Variants in MBOAT2 observed in about 807,000 individuals in gnomAD.
MBOAT2 encodes membrane-bound glycerophospholipid O-acyltransferase 2.
A neutral mutation model predicts 63.4 loss-of-function variants in MBOAT2; 28 were observed. The ratio of observed to expected loss-of-function variants is 0.44; its 90% CI spans 0.33 to 0.61. The LOEUF (loss-of-function observed/expected upper bound fraction) is 0.61. Ranked by LOEUF, MBOAT2 falls within the 20% of genes least tolerant of loss-of-function variation. The pLI, the probability that MBOAT2 is intolerant of heterozygous loss-of-function variation, is 0.03. For synonymous variants in MBOAT2, 211 were observed against 215.6 expected (o/e 0.98, Z 0.19); for missense variants, 470 against 605.8 (o/e 0.78, Z 2.35).
chr2:8,875,704 T>C (rs1662652958), intron 7 of MBOAT2, among the ~76,000 whole-genome samples: 1 of 152,226 alleles, frequency 6.6e-6, no homozygotes, highest in South Asian at 2.1e-4. Flanking sequence ...TCTACAATTG[T>C]CTTTACCTTC....
chr2:8,900,070 T>C (rs1197151423), intron 4 of MBOAT2, among the ~76,000 whole-genome samples: 1 of 152,172 alleles, frequency 6.6e-6, no homozygotes, highest in East Asian at 1.9e-4. Context: ...CAGAAGGATT[T>C]TTTTCCTTTC....
chr2:8,935,286 C>CA (rs1004382539), intron 3 of MBOAT2, among the ~76,000 whole-genome samples: 1 of 151,838 alleles, frequency 6.6e-6, no homozygotes, highest in African/African-American at 2.4e-5. Flanking sequence ...AAAATCCAGC[C>CA]AAAAAAATGT....
At chr2:8,972,943 T>C (rs1006587124) in intron 1 of MBOAT2, among the ~76,000 whole-genome samples, 3 of 152,180 alleles carry the variant, frequency 2.0e-5, no homozygotes, top group African/African-American at 7.2e-5. Flanking sequence ...GGTTCAACCA[T>C]TGTGGAAGAC....
chr2:8,927,768 C>A (rs1573074290), intron 3 of MBOAT2, among the ~76,000 whole-genome samples: 1 of 152,206 alleles, frequency 6.6e-6, no homozygotes, highest in African/African-American at 2.4e-5. Context: ...ACTCTCGAGT[C>A]TGTCACCTAT....
chr2:8,893,540 G>A (rs959114582), intron 4 of MBOAT2, among the ~76,000 whole-genome samples: 27 of 152,228 alleles, frequency 1.8e-4, no homozygotes, highest in African/African-American at 5.8e-4. Flanking sequence ...AATAGGAGCT[G>A]GGTCCCTTCT....
At chr2:8,989,186 CT>C (rs1024270480) in intron 1 of MBOAT2, among the ~76,000 whole-genome samples, 2 of 152,160 alleles carry the variant, frequency 1.3e-5, no homozygotes, top group African/African-American at 4.8e-5. Flanking sequence ...TGATGAGCCC[CT>C]ATTTCAGGTA....
rs1660986283 is a variant in MBOAT2 at position 8,854,929 on chromosome 2, A to G, written c.*3750T>C. ...CTGTCCAGTAGTCAGTAATCTGTATAAAATATTTCAGAGCATATATCTTCT... is the reference window on the plus strand; with the variant it reads ...CTGTCCAGTAGTCAGTAATCTGTATGAAATATTTCAGAGCATATATCTTCT... On this transcript the variant is annotated 3_prime_UTR_variant, in exon 13 of 13. Coordinates refer to ENST00000305997, the MANE Select transcript of MBOAT2 (RefSeq NM_138799.4). 6.6e-6 allele frequency: 1 copy of G among 152,252 alleles called. No homozygotes were observed. The highest frequency in any genetic ancestry group is 1.5e-5 in the Non-Finnish European group (1 of 68,042). The allele number at this position is 152,252 out of a possible 1,614,324, so 9.4% of individuals were successfully genotyped here.
intron 3 of MBOAT2, among the ~76,000 whole-genome samples, chr2:8,926,426 G>A (rs1666938350): frequency 6.6e-6 from 1 of 152,192 alleles, no homozygotes; most frequent in African/African-American, 2.4e-5. Flanking sequence ...GATTTATTAA[G>A]AAAAGGGGGA....
intron 3 of MBOAT2, among the ~76,000 whole-genome samples, chr2:8,909,326 G>A (rs1665543310): frequency 6.6e-6 from 1 of 152,106 alleles, no homozygotes; most frequent in Non-Finnish European, 1.5e-5. Flanking sequence ...CATTGAATAG[G>A]ATGAAGGCTG....
intron 1 of MBOAT2, among the ~76,000 whole-genome samples, chr2:8,971,005 A>C (rs1255254572): frequency 6.6e-6 from 1 of 152,234 alleles, no homozygotes; most frequent in Non-Finnish European, 1.5e-5. Context: ...AATCCTCCCT[A>C]ACTCATTTTA....
chr2:8,893,249 C>G (rs1664152606), intron 4 of MBOAT2, among the ~76,000 whole-genome samples: 1 of 152,006 alleles, frequency 6.6e-6, no homozygotes, highest in Admixed American at 6.6e-5. Flanking sequence ...CCTGGAACCA[C>G]CAAGGTTTTT....
intron 1 of MBOAT2, among the ~76,000 whole-genome samples, chr2:8,978,258 T>C (rs1451617954): frequency 6.6e-6 from 1 of 152,056 alleles, no homozygotes; most frequent in African/African-American, 2.4e-5. Context: ...AAGCTGACAC[T>C]TCCCCACCTC....
intron 4 of MBOAT2, among the ~76,000 whole-genome samples, chr2:8,891,386 T>C (rs1283524552): frequency 1.3e-5 from 2 of 152,184 alleles, no homozygotes; most frequent in African/African-American, 2.4e-5. Flanking sequence ...ACGCAGCAGG[T>C]ATATGGCTGG....
chr2:8,853,200 C>G lies in MBOAT2; in HGVS notation c.*5479G>C, dbSNP rs1660875764. 6.6e-6 allele frequency: 1 copy of G among 152,162 alleles called. No homozygotes were observed. The highest frequency in any genetic ancestry group is 1.5e-5 in the Non-Finnish European group (1 of 68,032). The allele number at this position is 152,162 out of a possible 1,614,324, so 9.4% of individuals were successfully genotyped here. A position where few individuals can be genotyped will look rare whatever the true frequency, so the allele number is the denominator to read the frequency against. On this transcript the variant is annotated 3_prime_UTR_variant, in exon 13 of 13. Transcript: ENST00000305997. ...GAATGATTTACTTTCATTCCTATGG[C>G]CTTCTATCGTGCCCCTTCTGGTTCA... is the stretch of plus-strand genomic sequence containing the variant.
At chr2:8,960,134 G>GTA (rs1164761708) in intron 1 of MBOAT2, among the ~76,000 whole-genome samples, 2 of 152,072 alleles carry the variant, frequency 1.3e-5, no homozygotes, top group Non-Finnish European at 2.9e-5. Context: ...CCTTCTAAAG[G>GTA]GTTCTAATGG....
At chr2:8,928,072 C>T (rs1391520628) in intron 3 of MBOAT2, among the ~76,000 whole-genome samples, 1 of 152,000 alleles carries the variant, frequency 6.6e-6, no homozygotes, top group Non-Finnish European at 1.5e-5. Context: ...CTTTAAATGA[C>T]CAGATCTCAC....
In MBOAT2 at chr2:8,862,310, C is replaced by T; in HGVS notation, c.1185+280G>A. 7.3e-7 allele frequency: 1 copy of T among 1,361,580 alleles called. No homozygotes were observed. The highest frequency in any genetic ancestry group is 9.6e-7 in the Non-Finnish European group (1 of 1,036,706). The allele number at this position is 1,361,580 out of a possible 1,614,324, so 84.3% of individuals were successfully genotyped here. A position where few individuals can be genotyped will look rare whatever the true frequency, so the allele number is the denominator to read the frequency against. On this transcript the variant is annotated intron_variant, in intron 11 of 12. Transcript: ENST00000305997. The surrounding 1 kb of genome is among the most constrained non-coding windows in gnomAD (Gnocchi z 4.3). ...TTTATTTAACTCAGTTTTTATCTCT[C>T]CTTCAGAAAATTCTGTAAAGACAAA...
chr2:8,945,076 T>C (rs1668320136), intron 2 of MBOAT2, among the ~76,000 whole-genome samples: 1 of 152,176 alleles, frequency 6.6e-6, no homozygotes, highest in Admixed American at 6.5e-5. Flanking sequence ...TCTCAAACAG[T>C]GCTATGGTGC....
At position 8,856,310 on chromosome 2, in the gene MBOAT2, A is replaced by ACACACACACACAC. The variant is rs60303614; in HGVS notation, c.*2368_*2369insGTGTGTGTGTGTG. The ACACACACACACAC allele has an allele frequency of 1.9e-4, 28 of 147,658 alleles. No homozygotes were observed. The highest frequency in any genetic ancestry group is 5.2e-4 in the African/African-American group (20 of 38,286). 9.1% of individuals were successfully genotyped at this position (147,658 alleles called of 1,614,324 possible). A position where few individuals can be genotyped will look rare whatever the true frequency, so the allele number is the denominator to read the frequency against. On this transcript the variant is annotated 3_prime_UTR_variant, in exon 13 of 13. Coordinates refer to ENST00000305997, the MANE Select transcript of MBOAT2 (RefSeq NM_138799.4). This position sits in a 1 kb window ranked among gnomAD's most constrained non-coding sequence, Gnocchi z 4.2. ...GTGGCTAGATAGGCTGAACCAAAAA[A>ACACACACACACAC]AAACACACACACACACACACACACA...
Sources: allele counts gnomAD v4.1 joint callset (sites outside exome capture counted in the v4.1 genomes callset), GRCh38; gene constraint gnomAD v4.1.1; non-coding constraint Gnocchi (gnomAD v3.1); transcripts MANE v1.5; gene names NCBI Gene and HGNC (gene_info 2026-07-23, HGNC 2026-07-21).